The following SH2D5 variants were observed in gnomAD, a reference collection of about 807,000 sequenced individuals.
The protein encoded by SH2D5 is SH2 domain containing 5, also known as SH2 domain-containing protein 5.
A neutral mutation model predicts 48.2 loss-of-function variants in SH2D5; 45 were observed. The observed-to-expected ratio is 0.93, with a 90% CI of 0.73 to 1.20. The LOEUF is 1.20. SH2D5 is among the 50% of genes most tolerant of loss of function. The probability of loss-of-function intolerance (pLI) is 0.00; values close to 1 mark genes in which losing one functional copy is unlikely to be tolerated. For synonymous variants in SH2D5, 230 were observed against 249.8 expected (o/e 0.92, Z 0.75); for missense variants, 538 against 584.1 (o/e 0.92, Z 0.81).
intron 6 of SH2D5, 37 bp from the exon 7 acceptor site, chr1:20,724,288 C>A: frequency 6.2e-7 from 1 of 1,607,328 alleles, no homozygotes; most frequent in Non-Finnish European, 8.5e-7. Flanking sequence ...CAGGCAGACT[C>A]AGGTCTAGCC....
intron 4 of SH2D5, among the ~76,000 whole-genome samples, chr1:20,726,715 G>A (rs1312589077): frequency 1.3e-5 from 2 of 152,150 alleles, no homozygotes; most frequent in South Asian, 2.1e-4. Flanking sequence ...GGGCAGCTGC[G>A]AGAGCCTCAG....
In SH2D5 at chr1:20,721,950, G is replaced by T. The variant is rs1027127948; in HGVS notation, c.1114C>A (p.His372Asn). ...AAGAGGCTACGTTCAGTAACCGCGT[G>T]GTTCTCCACCAGAGCCTCCAGGCTG... Reference protein sequence around the residue: ...FPSLEALVENHAVTERSLFCP... With the variant: ...FPSLEALVENNAVTERSLFCP... The change falls in exon 10 of 10, where the codon CAC becomes AAC. Residue 372 changes from histidine (H) to asparagine (N), a missense_variant. Physicochemically the swap from His to Asn is moderately conservative, Grantham distance 68. Coordinates refer to ENST00000444387, the MANE Select transcript of SH2D5 (RefSeq NM_001103161.2). 1 of 1,613,128 alleles carries T rather than the reference G, an allele frequency of 6.2e-7. No homozygotes were observed. The highest frequency in any genetic ancestry group is 8.5e-7 in the Non-Finnish European group (1 of 1,179,960).
chr1:20,723,245 G>T (rs1490163077), intron 8 of SH2D5, among the ~76,000 whole-genome samples: 2 of 152,212 alleles, frequency 1.3e-5, no homozygotes, highest in African/African-American at 4.8e-5. Context: ...TCAGAGTCTG[G>T]CTCAACAGAA....
intron 5 of SH2D5, 108 bp from the exon 6 acceptor site, chr1:20,724,743 C>T (rs1465747791): frequency 1.1e-5 from 15 of 1,329,536 alleles, no homozygotes; most frequent in South Asian, 6.5e-5. Context: ...CCCTTGGCTT[C>T]GGAGGCTCTT....
At chr1:20,724,791 A>C (rs1037860013) in intron 5 of SH2D5, among the ~76,000 whole-genome samples, 156 bp from the exon 6 acceptor site, 1 of 152,132 alleles carries the variant, frequency 6.6e-6, no homozygotes, top group Non-Finnish European at 1.5e-5. Context: ...TACCCTTCAA[A>C]ACCTCACCAC....
At chr1:20,725,311 T>C (rs1421737653) in intron 5 of SH2D5, among the ~76,000 whole-genome samples, 2 of 152,184 alleles carry the variant, frequency 1.3e-5, no homozygotes, top group Non-Finnish European at 2.9e-5. Flanking sequence ...CAGCAAATGG[T>C]TGCTGGTCAG....
At chr1:20,725,551 C>T (rs145989965) in intron 5 of SH2D5, among the ~76,000 whole-genome samples, 3 of 152,262 alleles carry the variant, frequency 2.0e-5, no homozygotes, top group East Asian at 3.9e-4. Context: ...AGAGAGTGGC[C>T]ATCCAGAGGA....
intron 7 of SH2D5, 133 bp downstream of exon 7, chr1:20,723,950 G>C (rs1570503692): frequency 8.3e-7 from 1 of 1,202,216 alleles, no homozygotes; most frequent in Non-Finnish European, 1.2e-6. Flanking sequence ...AACACACACA[G>C]TGCACAGGCA....
Position 20,728,452 on chromosome 1 carries a change from G to A in SH2D5, c.-42-366C>T, listed in dbSNP as rs1448294270. On this transcript the variant is annotated intron_variant, in intron 1 of 9. Transcript: ENST00000444387. This position sits in a 1 kb window ranked among gnomAD's most constrained non-coding sequence, Gnocchi z 4.3. ...AGATCTGAAGGGTGTGGCGGTACAT[G>A]CCCAGGGTCACTCAAAAACTCAGCA... is the stretch of plus-strand genomic sequence containing the variant. Among the ~76,000 whole-genome samples, 2 of 152,134 alleles carry A rather than the reference G, an allele frequency of 1.3e-5. No individual in the cohort carries two copies. The highest frequency in any genetic ancestry group is 1.3e-4 in the Admixed American group (2 of 15,282).
chr1:20,723,765 A>G, intron 7 of SH2D5, 31 bp from the exon 8 acceptor site: 2 of 1,573,142 alleles, frequency 1.3e-6, no homozygotes, highest in Non-Finnish European at 1.7e-6. Flanking sequence ...TCAGAAGGAG[A>G]GTGGCCGAGC....
Position 20,722,749 on chromosome 1 carries a change from C to A in SH2D5, c.1068+7G>T. 1 of 1,477,498 alleles carries A rather than the reference C, an allele frequency of 6.8e-7. No individual in the cohort carries two copies. Among genetic ancestry groups the A allele is most frequent in the South Asian group, 1.4e-5 (1 of 72,192 alleles). 91.5% of individuals were successfully genotyped at this position (1,477,498 alleles called of 1,614,324 possible). A position where few individuals can be genotyped will look rare whatever the true frequency, so the allele number is the denominator to read the frequency against. Reference sequence around the variant, plus strand: ...GGCCCAGGCCCCTCTGGCTGCTGCGCTCTTACCTCCAAGCAGTAGCGGCCC... The same window carrying A: ...GGCCCAGGCCCCTCTGGCTGCTGCGATCTTACCTCCAAGCAGTAGCGGCCC... On this transcript the variant is annotated splice_region_variant and intron_variant, in intron 9 of 9. Transcript: ENST00000444387.
At chr1:20,723,587 C>T (rs2154538449) in intron 8 of SH2D5, 39 bp downstream of exon 8, 1 of 1,533,888 alleles carries the variant, frequency 6.5e-7, no homozygotes, top group Non-Finnish European at 9.0e-7. Context: ...CTGCCCACCC[C>T]AAGGGACTGG....
intron 6 of SH2D5, 41 bp from the exon 7 acceptor site, chr1:20,724,292 T>G (rs779792882): frequency 6.2e-7 from 1 of 1,606,058 alleles, no homozygotes; most frequent in South Asian, 1.1e-5. Context: ...CAGACTCAGG[T>G]CTAGCCATGT....
In SH2D5 at chr1:20,724,561, T is replaced by G. The variant is rs1382789055; in HGVS notation, c.465A>C (p.Ala155=). The G allele has an allele frequency of 6.2e-7, 1 of 1,600,352 alleles. No individual in the cohort carries two copies. Among genetic ancestry groups the G allele is most frequent in the Admixed American group, 1.7e-5 (1 of 57,662 alleles). The change falls in exon 6 of 10, where the codon GCA becomes GCC. Residue 155 remains alanine, a synonymous_variant. Coordinates refer to ENST00000444387, the MANE Select transcript of SH2D5 (RefSeq NM_001103161.2). ...TGGGCCCTGGGCAGGGCTCTGGCTG[T>G]GCCCGCTCCTCAGGGTGCTGCAAGA... ...AYLLQHPEER[A]QPEPCPGPTG...
At chr1:20,723,485 G>T in intron 8 of SH2D5, 141 bp downstream of exon 8, 1 of 630,148 alleles carries the variant, frequency 1.6e-6, no homozygotes, top group Admixed American at 2.9e-5. Flanking sequence ...GCCCAGGGTG[G>T]TGAAGTCCCA....
Position 20,728,537 on chromosome 1 carries a change from A to ATCTT in SH2D5, c.-42-452_-42-451insAAGA. On this transcript the variant is annotated intron_variant, in intron 1 of 9. Coordinates refer to ENST00000444387, the MANE Select transcript of SH2D5 (RefSeq NM_001103161.2). This position sits in a 1 kb window ranked among gnomAD's most constrained non-coding sequence, Gnocchi z 4.3. ...TGCCCCAGGGGCTGGTTACAGGAAGACCTGTAACCAGATTGCACAAAGTGC... is the reference window on the plus strand; with the variant it reads ...TGCCCCAGGGGCTGGTTACAGGAAGATCTTCCTGTAACCAGATTGCACAAAGTGC... Among the ~76,000 whole-genome samples the ATCTT allele has an allele frequency of 6.6e-6, 1 of 152,142 alleles. No homozygotes were observed. The highest frequency in any genetic ancestry group is 6.5e-5 in the Admixed American group (1 of 15,292).
Position 20,722,870 on chromosome 1 carries a change from G to A in SH2D5, c.954C>T (p.Phe318=), listed in dbSNP as rs755861164. The change falls in exon 9 of 10, where the codon TTC becomes TTT. Residue 318 remains phenylalanine, a synonymous_variant. Coordinates refer to ENST00000444387, the MANE Select transcript of SH2D5 (RefSeq NM_001103161.2). ...TAGCACCCAGCTCAGGCCACAGCAGGAAGGCCCCCAGCACGTCTCTCCGCA... is the reference window on the plus strand; with the variant it reads ...TAGCACCCAGCTCAGGCCACAGCAGAAAGGCCCCCAGCACGTCTCTCCGCA... The part of the protein sequence containing the change: ...ALLRRDVLGA[F]LLWPELGASG... 60 of 1,605,620 alleles carry A rather than the reference G, an allele frequency of 3.7e-5. 1 individual carries two copies. In the South Asian group the frequency reaches 6.4e-4, roughly 17 times the overall value.
chr1:20,730,496 C>T (rs913683247), intron 1 of SH2D5, among the ~76,000 whole-genome samples: 1 of 152,216 alleles, frequency 6.6e-6, no homozygotes. Context: ...ACCACTGGCC[C>T]TCTTAGGGGC....
At chr1:20,722,698 C>G (rs1344800166) in intron 9 of SH2D5, 58 bp downstream of exon 9, 1 of 1,396,782 alleles carries the variant, frequency 7.2e-7, no homozygotes, top group Non-Finnish European at 9.4e-7. Flanking sequence ...CAGGAAGGGC[C>G]AGGGATGGAG....
Sources: gnomAD v4.1 joint callset for allele counts (sites outside exome capture counted in the v4.1 genomes callset) on GRCh38, gnomAD v4.1.1 for gene constraint, Gnocchi (gnomAD v3.1) non-coding constraint, MANE v1.5 for transcripts, NCBI Gene and HGNC (gene_info 2026-07-23, HGNC 2026-07-21) for gene names.